The following GPC2 variants were observed in gnomAD, a reference collection of about 807,000 sequenced individuals.
GPC2 encodes the protein glypican 2.
A neutral mutation model predicts 57.3 loss-of-function variants in GPC2; 42 were observed. That is an observed-to-expected ratio of 0.73 (90% CI 0.57 to 0.95). GPC2 has a LOEUF of 0.95. GPC2 is among the 40% of genes least tolerant of loss of function. GPC2 has a pLI of 0.00. For missense variants in GPC2, 745 were observed against 793.6 expected, an observed-to-expected ratio of 0.94 and a Z score of 0.74; for synonymous variants, 364 against 343.4, an observed-to-expected ratio of 1.06 and a Z score of -0.66.
chr7:100,175,480 G>T, intron 3 of GPC2, 92 bp downstream of exon 3: 2 of 1,000,544 alleles, frequency 2.0e-6, no homozygotes, highest in Non-Finnish European at 3.0e-6. Flanking sequence ...GGTCAGAGGT[G>T]ACTGGAGCAC....
chr7:100,175,462 G>T, intron 3 of GPC2, 110 bp downstream of exon 3: 1 of 815,884 alleles, frequency 1.2e-6, no homozygotes, highest in Non-Finnish European at 1.9e-6. Flanking sequence ...CAGGATGGGG[G>T]ATCACCAGGT....
intron 4 of GPC2, 24 bp from the exon 5 acceptor site, chr7:100,174,021 G>A: frequency 6.6e-7 from 1 of 1,523,344 alleles, no homozygotes; most frequent in Non-Finnish European, 8.8e-7. Flanking sequence ...GTGGGGCTGT[G>A]TCCTCCACAA....
intron 5 of GPC2, among the ~76,000 whole-genome samples, chr7:100,172,807 G>GTA (rs955015086): frequency 6.8e-6 from 1 of 147,390 alleles, no homozygotes; most frequent in African/African-American, 2.5e-5. Context: ...ATATATGTGT[G>GTA]TATATATATA....
chr7:100,170,624 A>C, intron 9 of GPC2, 141 bp from the exon 10 acceptor site: 1 of 722,186 alleles, frequency 1.4e-6, no homozygotes, highest in Non-Finnish European at 2.1e-6. Flanking sequence ...GGAAGGGAGA[A>C]AGACCATGAG....
intron 5 of GPC2, chr7:100,173,564 G>A (rs116538316): frequency 0.014 from 3,134 of 217,196 alleles, 95 homozygotes; most frequent in African/African-American, 0.064. Flanking sequence ...AGGCGCGGGC[G>A]CTACCATGCC....
chr7:100,176,057 A>C, intron 2 of GPC2, 150 bp downstream of exon 2: 1 of 331,102 alleles, frequency 3.0e-6, no homozygotes, highest in Non-Finnish European at 4.6e-6. Flanking sequence ...GGGGGAGGGC[A>C]GGGCCCTGGA....
At chr7:100,172,743 ATGTG>A (rs201777222) in intron 5 of GPC2, among the ~76,000 whole-genome samples, 9 of 145,460 alleles carry the variant, frequency 6.2e-5, no homozygotes, top group East Asian at 2.0e-4. Context: ...GTGTATATAT[ATGTG>A]TGTATATATA....
At position 100,173,999 on chromosome 7, in the gene GPC2, T is replaced by C. The variant is rs781269078; in HGVS notation, c.730-2A>G. 1.3e-6 allele frequency: 2 copies of C among 1,567,346 alleles called. No individual in the cohort carries two copies. Among genetic ancestry groups the C allele is most frequent in the Non-Finnish European group, 1.7e-6 (2 of 1,157,462 alleles). ...GCTGCAGCCTTCAGACACCGGCACC[T>C]GGGGGCAGAGAGTGGGGCTGTGTCC... On this transcript the variant is annotated splice_acceptor_variant, in intron 4 of 9. Transcript: ENST00000292377. LOFTEE classifies it high-confidence loss of function.
Position 100,171,722 on chromosome 7 carries a change from C to T in GPC2, c.1171-44G>A. On this transcript the variant is annotated intron_variant, in intron 7 of 9. Coordinates refer to ENST00000292377, the MANE Select transcript of GPC2 (RefSeq NM_152742.3). The surrounding 1 kb of genome is among the most constrained non-coding windows in gnomAD (Gnocchi z 4.8). ...GCGGGGCGAGCTGGAGCGCGACCCC[C>T]ACAACCATCCCCGGCCCCGGGCCCC... The T allele has an allele frequency of 6.7e-7, 1 of 1,493,726 alleles. No individual in the cohort carries two copies. The highest frequency in any genetic ancestry group is 8.9e-7 in the Non-Finnish European group (1 of 1,129,598). 92.5% of individuals were successfully genotyped at this position (1,493,726 alleles called of 1,614,324 possible).
chr7:100,171,171 AGAGCAGAGGCACGGGCGG>A lies in GPC2; in HGVS notation c.1486+72_1486+89del, dbSNP rs761979436. 7 of 1,159,048 alleles carry A rather than the reference AGAGCAGAGGCACGGGCGG, an allele frequency of 6.0e-6. No individual in the cohort carries two copies. Among genetic ancestry groups the A allele is most frequent in the Non-Finnish European group, 8.2e-6 (7 of 851,916 alleles). 71.8% of individuals were successfully genotyped at this position (1,159,048 alleles called of 1,614,324 possible). On this transcript the variant is annotated intron_variant, in intron 9 of 9. Coordinates refer to ENST00000292377, the MANE Select transcript of GPC2 (RefSeq NM_152742.3). The surrounding 1 kb of genome is among the most constrained non-coding windows in gnomAD (Gnocchi z 4.8). ...TTAGTGAATTAATCAATGAACGCTA[AGAGCAGAGGCACGGGCGG>A]GAACTACCAGGAGAGGGGAGAGGCT...
In GPC2 at chr7:100,171,797, G is replaced by A; in HGVS notation, c.1152C>T (p.Gly384=). 6.4e-7 allele frequency: 1 copy of A among 1,567,810 alleles called. No homozygotes were observed. Among genetic ancestry groups the A allele is most frequent in the Non-Finnish European group, 8.6e-7 (1 of 1,166,324 alleles). Residue 384 remains glycine, a synonymous_variant, in exon 7 of 10, where the codon GGC becomes GGT. Transcript: ENST00000292377. The surrounding 1 kb of genome is among the most constrained non-coding windows in gnomAD (Gnocchi z 4.8). ...CACGCACCAGCCGGTGCAGGTTGGT[G>A]CCTGCGGCCGTCGTGGGCCGCTCCT... The part of the protein sequence containing the change: ...TEEERPTTAA[G]TNLHRLVWEL...
intron 1 of GPC2, 34 bp from the exon 2 acceptor site, chr7:100,176,399 G>A (rs1292924275): frequency 1.9e-6 from 3 of 1,597,524 alleles, no homozygotes; most frequent in African/African-American, 2.7e-5. Context: ...ATGGTGGGAA[G>A]TGATATCCTA....
In GPC2 at chr7:100,171,070, A is replaced by T; in HGVS notation, c.1486+191T>A. On this transcript the variant is annotated intron_variant, in intron 9 of 9. Transcript: ENST00000292377. The surrounding 1 kb of genome is among the most constrained non-coding windows in gnomAD (Gnocchi z 4.8). ...TTTCGTGTCTCCCCTACTGGCCTGA[A>T]AGGATACAGACCCCCTCATTGATCT... is the stretch of plus-strand genomic sequence containing the variant. The T allele has an allele frequency of 1.9e-6, 1 of 522,024 alleles. No individual in the cohort carries two copies. Among genetic ancestry groups the T allele is most frequent in the Non-Finnish European group, 3.3e-6 (1 of 305,492 alleles). The allele number at this position is 522,024 out of a possible 1,614,324, so 32.3% of individuals were successfully genotyped here.
rs1018269929 is a variant in GPC2 at position 100,170,174 on chromosome 7, G to C, written c.*56C>G. The stretch of plus-strand genomic sequence containing the variant: ...CGACTCCTCCCCAGGCCCAGCTGAG[G>C]GGGGAGGAGGGGAAAGGGCCATGAA... On this transcript the variant is annotated 3_prime_UTR_variant, in exon 10 of 10. Transcript: ENST00000292377. 1.0e-5 allele frequency: 15 copies of C among 1,481,860 alleles called. No homozygotes were observed. The highest frequency in any genetic ancestry group is 2.2e-4 in the Middle Eastern group (1 of 4,448). 91.8% of individuals were successfully genotyped at this position (1,481,860 alleles called of 1,614,324 possible).
At chr7:100,172,767 A>ATATATGTGTG (rs1799206255) in intron 5 of GPC2, among the ~76,000 whole-genome samples, 1 of 142,892 alleles carries the variant, frequency 7.0e-6, no homozygotes, top group South Asian at 2.2e-4. Context: ...ATGTGTGTAT[A>ATATATGTGTG]TATATATGTG....
Position 100,171,713 on chromosome 7 carries a change from C to T in GPC2, c.1171-35G>A, listed in dbSNP as rs1448071341. 6 of 1,478,268 alleles carry T rather than the reference C, an allele frequency of 4.1e-6. No individual in the cohort carries two copies. The highest frequency in any genetic ancestry group is 2.4e-5 in the Admixed American group (1 of 42,520). 91.6% of individuals were successfully genotyped at this position (1,478,268 alleles called of 1,614,324 possible). A position where few individuals can be genotyped will look rare whatever the true frequency, so the allele number is the denominator to read the frequency against. On this transcript the variant is annotated intron_variant, in intron 7 of 9. Coordinates refer to ENST00000292377, the MANE Select transcript of GPC2 (RefSeq NM_152742.3). This position sits in a 1 kb window ranked among gnomAD's most constrained non-coding sequence, Gnocchi z 4.8. ...CGAGAGGGGGCGGGGCGAGCTGGAG[C>T]GCGACCCCCACAACCATCCCCGGCC...
At position 100,175,711 on chromosome 7, in the gene GPC2, A is replaced by G. The variant is rs1222191651; in HGVS notation, c.509T>C (p.Leu170Pro). 1.2e-6 allele frequency: 2 copies of G among 1,614,138 alleles called. No individual in the cohort carries two copies. The highest frequency in any genetic ancestry group is 1.7e-6 in the Non-Finnish European group (2 of 1,180,020). The change falls in exon 3 of 10, where the codon CTC (leucine) becomes CCC (proline). Residue 170 changes from leucine to proline, a missense_variant. This residue lies in a region of GPC2 where 607 missense variants were observed against 603.9 expected (regional missense o/e 1.01). Transcript: ENST00000292377. Reference protein sequence around the residue: ...DDTLADFWAQLLERVFPLLHP... With the variant: ...DDTLADFWAQPLERVFPLLHP... ...CAGCAGCGGGAACACTCTCTCCAGGAGCTGTGCCCAGAAATCCGCCAGGGT... is the reference window on the plus strand; with the variant it reads ...CAGCAGCGGGAACACTCTCTCCAGGGGCTGTGCCCAGAAATCCGCCAGGGT...
In GPC2 at chr7:100,171,807, G is replaced by A; in HGVS notation, c.1142C>T (p.Thr381Met). ...SMVTEEERPT[T>M]AAGTNLHRLV... ...CCGGTGCAGGTTGGTGCCTGCGGCC[G>A]TCGTGGGCCGCTCCTCCTCGGTCAC... The change falls in exon 7 of 10, where the codon ACG becomes ATG. Residue 381 changes from threonine (T) to methionine (M), a missense_variant. Physicochemically the swap from Thr to Met is moderately conservative, Grantham distance 81. Around this residue, in one of 2 missense-constraint regions of GPC2, gnomAD observed 607 missense variants for 603.9 expected, o/e 1.01. Transcript: ENST00000292377. This position sits in a 1 kb window ranked among gnomAD's most constrained non-coding sequence, Gnocchi z 4.8. 2 of 1,573,124 alleles carry A rather than the reference G, an allele frequency of 1.3e-6. No homozygotes were observed. The highest frequency in any genetic ancestry group is 8.6e-7 in the Non-Finnish European group (1 of 1,168,628).
chr7:100,176,421 A>G, intron 1 of GPC2, 56 bp from the exon 2 acceptor site: 1 of 1,515,920 alleles, frequency 6.6e-7, no homozygotes, highest in Non-Finnish European at 9.1e-7. Context: ...AATCCCTTCC[A>G]TTTCCCGCCT....
Sources: gnomAD v4.1 joint callset for allele counts (sites outside exome capture counted in the v4.1 genomes callset) on GRCh38, gnomAD v4.1.1 for gene constraint, gnomAD v4.1.1 regional missense constraint, Gnocchi (gnomAD v3.1) non-coding constraint, MANE v1.5 for transcripts, NCBI Gene and HGNC (gene_info 2026-07-23, HGNC 2026-07-21) for gene names.